The following NR5A2 variants were observed in gnomAD, a reference collection of about 807,000 sequenced individuals.
The protein encoded by NR5A2 is nuclear receptor subfamily 5 group A member 2.
In NR5A2, 26 loss-of-function variants were observed where a neutral mutation model predicts 62.7. The observed-to-expected ratio is 0.41, with a 90% CI of 0.30 to 0.58. NR5A2 has a LOEUF of 0.58. Among genes scored for constraint, NR5A2 ranks in the 20% least tolerant of loss-of-function variants. NR5A2 has a pLI of 0.22. For synonymous variants in NR5A2, 246 were observed against 241.7 expected, an observed-to-expected ratio of 1.02 and a Z score of -0.16; for missense variants, 541 against 669.1, an observed-to-expected ratio of 0.81 and a Z score of 2.11.
In NR5A2 at chr1:200,039,362, C is replaced by T. The variant is rs1380770774; in HGVS notation, c.65-296C>T. Among the ~76,000 whole-genome samples, 1 of 152,018 alleles carries T rather than the reference C, an allele frequency of 6.6e-6. No individual in the cohort carries two copies. Among genetic ancestry groups the T allele is most frequent in the Non-Finnish European group, 1.5e-5 (1 of 67,988 alleles). ...TGCCCGCCGGGAGCTCGGCGGTTCACGGCTCCGCGCCCCGGGCAGCTGCGT... is the reference window on the plus strand; with the variant it reads ...TGCCCGCCGGGAGCTCGGCGGTTCATGGCTCCGCGCCCCGGGCAGCTGCGT... On this transcript the variant is annotated intron_variant, in intron 1 of 7. Coordinates refer to ENST00000367362, the MANE Select transcript of NR5A2 (RefSeq NM_205860.3). This position sits in a 1 kb window ranked among gnomAD's most constrained non-coding sequence, Gnocchi z 5.1.
At chr1:200,094,426 C>A (rs961792526) in intron 5 of NR5A2, among the ~76,000 whole-genome samples, 1 of 150,704 alleles carries the variant, frequency 6.6e-6, no homozygotes, top group Non-Finnish European at 1.5e-5. Context: ...CTCAAGCAGT[C>A]CATTTTTTGC....
chr1:200,136,368 C>A (rs1279180215), intron 7 of NR5A2, among the ~76,000 whole-genome samples: 1 of 152,164 alleles, frequency 6.6e-6, no homozygotes, highest in Non-Finnish European at 1.5e-5. Context: ...TTTCACTTAA[C>A]ATCATGCCTG....
chr1:200,145,554 C>T (rs1430617959), intron 7 of NR5A2, among the ~76,000 whole-genome samples: 1 of 151,334 alleles, frequency 6.6e-6, no homozygotes, highest in African/African-American at 2.4e-5. Flanking sequence ...AGAGAATCCA[C>T]ATAAAATATG....
At chr1:200,099,861 A>G (rs201237229) in intron 5 of NR5A2, among the ~76,000 whole-genome samples, 1 of 152,104 alleles carries the variant, frequency 6.6e-6, no homozygotes, top group Admixed American at 6.5e-5. Context: ...CAAAGTGCTG[A>G]GATTACAGGC....
chr1:200,099,560 A>G (rs1012535613), intron 5 of NR5A2, among the ~76,000 whole-genome samples: 5 of 152,084 alleles, frequency 3.3e-5, no homozygotes, highest in Non-Finnish European at 7.4e-5. Flanking sequence ...ACTGATATCC[A>G]GATGATGGGT....
chr1:200,082,585 A>G (rs1046339766), intron 5 of NR5A2, among the ~76,000 whole-genome samples: 4 of 152,342 alleles, frequency 2.6e-5, no homozygotes, highest in Admixed American at 1.3e-4. Context: ...ATGAGAGGCA[A>G]CAAATTACAA....
chr1:200,098,513 A>G (rs932435694), intron 5 of NR5A2, among the ~76,000 whole-genome samples: 2 of 152,238 alleles, frequency 1.3e-5, no homozygotes, highest in Non-Finnish European at 2.9e-5. Context: ...CTTTACTCTT[A>G]TATGAAAGAG....
chr1:200,081,294 C>A (rs1394718172), intron 5 of NR5A2, among the ~76,000 whole-genome samples: 1 of 152,166 alleles, frequency 6.6e-6, no homozygotes, highest in Non-Finnish European at 1.5e-5. Context: ...CAGCTTGTGA[C>A]CTAAATGCCT....
intron 7 of NR5A2, among the ~76,000 whole-genome samples, chr1:200,141,434 A>G (rs1164612970): frequency 1.3e-5 from 2 of 152,192 alleles, no homozygotes; most frequent in African/African-American, 4.8e-5. Context: ...TAAGTGTATC[A>G]ATAGTTTGTT....
At chr1:200,113,918 C>T (rs566881880) in intron 6 of NR5A2, among the ~76,000 whole-genome samples, 3 of 152,240 alleles carry the variant, frequency 2.0e-5, no homozygotes, top group African/African-American at 4.8e-5. Context: ...CAGTGGCTCA[C>T]GCCTGTAATC....
intron 6 of NR5A2, among the ~76,000 whole-genome samples, chr1:200,114,347 AAG>A (rs1024780916): frequency 2.0e-5 from 3 of 151,840 alleles, no homozygotes; most frequent in African/African-American, 7.3e-5. Context: ...AAAAGAAAAA[AAG>A]AACTGCTTCC....
At chr1:200,108,259 A>AT (rs975667533) in intron 5 of NR5A2, among the ~76,000 whole-genome samples, 1 of 151,078 alleles carries the variant, frequency 6.6e-6, no homozygotes, top group Non-Finnish European at 1.5e-5. Context: ...TAATTTTTAC[A>AT]TTTTTTTGTA....
At chr1:200,168,835 A>G (rs893709066) in intron 7 of NR5A2, among the ~76,000 whole-genome samples, 1 of 152,342 alleles carries the variant, frequency 6.6e-6, no homozygotes, top group African/African-American at 2.4e-5. Flanking sequence ...CAGATTATCC[A>G]TATTTAGCCC....
At chr1:200,127,982 A>G (rs1666803991) in intron 7 of NR5A2, among the ~76,000 whole-genome samples, 1 of 151,770 alleles carries the variant, frequency 6.6e-6, no homozygotes, top group African/African-American at 2.4e-5. Context: ...AATAAAAGCA[A>G]TATCTATTGG....
At position 200,111,255 on chromosome 1, in the gene NR5A2, C is replaced by T. The variant is rs757729465; in HGVS notation, c.1164C>T (p.Leu388=). ...ACTGCTGGAGTGAGCTCTTAATCCT[C>T]GACCACATTTACCGACAAGTGGTAC... ...LQNCWSELLI[L]DHIYRQVVHG... Residue 388 remains leucine, a synonymous_variant, in exon 6 of 8, where the codon CTC becomes CTT. Coordinates refer to ENST00000367362, the MANE Select transcript of NR5A2 (RefSeq NM_205860.3). 7.4e-6 allele frequency: 12 copies of T among 1,612,624 alleles called. No homozygotes were observed. The highest frequency in any genetic ancestry group is 5.0e-5 in the Admixed American group (3 of 59,864).
chr1:200,134,044 A>G (rs920734630), intron 7 of NR5A2, among the ~76,000 whole-genome samples: 4 of 152,194 alleles, frequency 2.6e-5, no homozygotes, highest in African/African-American at 9.7e-5. Context: ...AGCTTATCGA[A>G]TAAGCATATA....
chr1:200,087,686 C>T (rs945643696), intron 5 of NR5A2, among the ~76,000 whole-genome samples: 8 of 151,942 alleles, frequency 5.3e-5, no homozygotes, highest in Admixed American at 6.6e-5. Flanking sequence ...TGAGCCACCG[C>T]GCCCGGCTTT....
intron 7 of NR5A2, among the ~76,000 whole-genome samples, chr1:200,162,440 G>A (rs1294717550): frequency 6.6e-6 from 1 of 152,272 alleles, no homozygotes; most frequent in African/African-American, 2.4e-5. Context: ...GAAATAAAAC[G>A]GGATAGATAA....
At chr1:200,063,828 C>T (rs1663342349) in intron 5 of NR5A2, among the ~76,000 whole-genome samples, 1 of 152,130 alleles carries the variant, frequency 6.6e-6, no homozygotes, top group Non-Finnish European at 1.5e-5. Context: ...AAACATTTAT[C>T]AAGTTTGTAC....
Sources: allele counts gnomAD v4.1 joint callset (sites outside exome capture counted in the v4.1 genomes callset), GRCh38; gene constraint gnomAD v4.1.1; non-coding constraint Gnocchi (gnomAD v3.1); transcripts MANE v1.5; gene names NCBI Gene and HGNC (gene_info 2026-07-23, HGNC 2026-07-21).